Variants in ARID1A observed in about 807,000 individuals in gnomAD.
ARID1A encodes AT-rich interaction domain 1A, also known as AT-rich interactive domain-containing protein 1A.
Under a neutral mutation model 212.6 loss-of-function variants are expected in ARID1A, and 20 were observed. That is an observed-to-expected ratio of 0.09 (90% CI 0.07 to 0.14). ARID1A has a LOEUF of 0.14. ARID1A is among the 10% of genes least tolerant of loss of function. ARID1A has a pLI of 1.00. For synonymous variants in ARID1A, 1,376 were observed against 1,222.1 expected, an observed-to-expected ratio of 1.13 and a Z score of -2.63; for missense variants, 2,587 against 3,059.0, an observed-to-expected ratio of 0.85 and a Z score of 3.64.
intron 4 of ARID1A, among the ~76,000 whole-genome samples, chr1:26,742,708 C>CGA: frequency 6.6e-6 from 1 of 152,284 alleles, no homozygotes; most frequent in South Asian, 2.1e-4. Context: ...CGGTGGCTCA[C>CGA]ACCTGTAATC....
At chr1:26,723,407 C>T (rs749016048) in intron 1 of ARID1A, among the ~76,000 whole-genome samples, 4 of 152,146 alleles carry the variant, frequency 2.6e-5, no homozygotes, top group East Asian at 1.9e-4. Flanking sequence ...AAGCGGAGGA[C>T]GGGGTGCCTT....
chr1:26,696,394 A>G lies in ARID1A; in HGVS notation c.-10A>G, dbSNP rs2124739628. On this transcript the variant is annotated 5_prime_UTR_variant, in exon 1 of 20. Coordinates refer to ENST00000324856, the MANE Select transcript of ARID1A (RefSeq NM_006015.6). ...GGCCGGGTCTCTCCGCGGACGAGACAGCGGGGATCATGGCCGCGCAGGTCG... is the reference window on the plus strand; with the variant it reads ...GGCCGGGTCTCTCCGCGGACGAGACGGCGGGGATCATGGCCGCGCAGGTCG... 3 of 1,266,772 alleles carry G rather than the reference A, an allele frequency of 2.4e-6. No homozygotes were observed. Among genetic ancestry groups the G allele is most frequent in the African/African-American group, 1.6e-5 (1 of 62,504 alleles). The allele number at this position is 1,266,772 out of a possible 1,614,324, so 78.5% of individuals were successfully genotyped here.
chr1:26,758,921 T>C (rs1282617057), intron 4 of ARID1A, among the ~76,000 whole-genome samples: 1 of 152,192 alleles, frequency 6.6e-6, no homozygotes, highest in Non-Finnish European at 1.5e-5. Context: ...CCTACCTGCC[T>C]TCAGAGCAAA....
At position 26,775,659 on chromosome 1, in the gene ARID1A, C is replaced by A; in HGVS notation, c.5076C>A (p.Asn1692Lys). Residue 1692 changes from asparagine to lysine, a missense_variant, in exon 19 of 20, where the codon AAC becomes AAA. By Grantham distance (94) the Asn-to-Lys change is moderately conservative (BLOSUM62 0). Transcript: ENST00000324856. Reference protein sequence around the residue: ...AESTWALDTINILLYDDNSIM... With the variant: ...AESTWALDTIKILLYDDNSIM... Reference sequence around the variant, plus strand: ...GCACATGGGCATTAGATACCATCAACATCCTGCTGTATGATGACAACAGCA... The same window carrying A: ...GCACATGGGCATTAGATACCATCAAAATCCTGCTGTATGATGACAACAGCA... 1 of 1,614,224 alleles carries A rather than the reference C, an allele frequency of 6.2e-7. No individual in the cohort carries two copies. Among genetic ancestry groups the A allele is most frequent in the Non-Finnish European group, 8.5e-7 (1 of 1,180,040 alleles).
In ARID1A at chr1:26,761,048, A is replaced by G. The variant is rs1189797847; in HGVS notation, c.2113A>G (p.Ser705Gly). ...PSPSPVGSPA[S>G]VAQSRSGPLS... is the part of the protein sequence containing the mutation. ...CCCGTCCCCTGTTGGCTCTCCCGCC[A>G]GTGTTGCTCAGTCTCGCTCAGGACC... The change falls in exon 5 of 20, where the codon AGT (serine) becomes GGT (glycine). Residue 705 changes from serine to glycine, a missense_variant. Around this residue, in one of 11 missense-constraint regions of ARID1A, gnomAD observed 674 missense variants for 813.4 expected, o/e 0.83. Transcript: ENST00000324856. The G allele has an allele frequency of 1.2e-6, 2 of 1,613,974 alleles. No individual in the cohort carries two copies. The highest frequency in any genetic ancestry group is 2.2e-5 in the East Asian group (1 of 44,860).
intron 1 of ARID1A, among the ~76,000 whole-genome samples, chr1:26,703,703 T>C (rs1197400687): frequency 1.3e-5 from 2 of 152,218 alleles, no homozygotes; most frequent in African/African-American, 2.4e-5. Context: ...TTCAGACTTA[T>C]TGCTGAGAGC....
intron 1 of ARID1A, among the ~76,000 whole-genome samples, chr1:26,709,417 C>CT (rs1478292822): frequency 6.6e-6 from 1 of 152,082 alleles, no homozygotes; most frequent in Non-Finnish European, 1.5e-5. Context: ...TACCACCCTG[C>CT]TCCAGCCAGG....
In ARID1A at chr1:26,696,514, C is replaced by CGAG; in HGVS notation, c.113_115dup (p.Glu38dup). 1 of 1,227,098 alleles carries CGAG rather than the reference C, an allele frequency of 8.1e-7. No individual in the cohort carries two copies. The highest frequency in any genetic ancestry group is 1.0e-6 in the Non-Finnish European group (1 of 987,004). 76.0% of individuals were successfully genotyped at this position (1,227,098 alleles called of 1,614,324 possible). A position where few individuals can be genotyped will look rare whatever the true frequency, so the allele number is the denominator to read the frequency against. On this transcript the variant is annotated inframe_insertion, in exon 1 of 20. Transcript: ENST00000324856. ...AGCAGCAGCGGGAGGAGGCGGGGGG[C>CGAG]GAGGCGGCGGCGGCGGCAGCGGCCG... is the stretch of plus-strand genomic sequence containing the variant.
intron 4 of ARID1A, among the ~76,000 whole-genome samples, chr1:26,748,407 ATCT>A (rs1208216892): frequency 1.3e-5 from 2 of 151,976 alleles, no homozygotes; most frequent in Non-Finnish European, 2.9e-5. Context: ...ATAGCTGATG[ATCT>A]TCATAATAGA....
Position 26,697,466 on chromosome 1 carries a change from C to A in ARID1A, c.1063C>A (p.Gln355Lys), listed in dbSNP as rs2124745067. 1 of 1,390,494 alleles carries A rather than the reference C, an allele frequency of 7.2e-7. No homozygotes were observed. Among genetic ancestry groups the A allele is most frequent in the Non-Finnish European group, 9.2e-7 (1 of 1,081,180 alleles). The allele number at this position is 1,390,494 out of a possible 1,614,324, so 86.1% of individuals were successfully genotyped here. A position where few individuals can be genotyped will look rare whatever the true frequency, so the allele number is the denominator to read the frequency against. The change falls in exon 1 of 20, where the codon CAA becomes AAA. Residue 355 changes from glutamine to lysine, a missense_variant. Gln to Lys is a moderately conservative substitution (Grantham distance 53). Transcript: ENST00000324856. ...GGCGGCCGCCTCGGGAGGGGCCCAA[C>A]AAAGGAGCCACCACGCGCCCATGAG... ...AAAAASGGAQ[Q>K]RSHHAPMSPG...
intron 1 of ARID1A, among the ~76,000 whole-genome samples, chr1:26,714,727 A>T (rs35407375): frequency 0.059 from 9,025 of 152,154 alleles, 321 homozygotes; most frequent in Non-Finnish European, 0.08. Flanking sequence ...TAATCTTAAT[A>T]AGGTTGACTA....
chr1:26,696,174 GCGCCTCGGCCGCCGCCGC>G lies in ARID1A; in HGVS notation c.-223_-206del, dbSNP rs1428648433. 3.5e-6 allele frequency: 2 copies of G among 566,108 alleles called. No individual in the cohort carries two copies. The highest frequency in any genetic ancestry group is 5.1e-5 in the Admixed American group (1 of 19,564). The allele number at this position is 566,108 out of a possible 1,614,324, so 35.1% of individuals were successfully genotyped here. The stretch of plus-strand genomic sequence containing the variant: ...AGAGCCGGGAGCAGCTGAGCCGCCG[GCGCCTCGGCCGCCGCCGC>G]CGCCTCCTCCTCCTCCGCCGCCGCC... On this transcript the variant is annotated 5_prime_UTR_variant, in exon 1 of 20. Coordinates refer to ENST00000324856, the MANE Select transcript of ARID1A (RefSeq NM_006015.6).
intron 7 of ARID1A, 64 bp downstream of exon 7, chr1:26,762,383 A>C: frequency 6.5e-7 from 1 of 1,536,154 alleles, no homozygotes; most frequent in South Asian, 1.2e-5. Context: ...CTTGTCTGAT[A>C]TGTTGCCATC....
intron 1 of ARID1A, among the ~76,000 whole-genome samples, chr1:26,700,676 T>G (rs1408207182): frequency 1.3e-5 from 2 of 152,234 alleles, no homozygotes; most frequent in African/African-American, 2.4e-5. Context: ...TGGTTGTTAG[T>G]TTCTACTACG....
intron 1 of ARID1A, among the ~76,000 whole-genome samples, chr1:26,723,127 T>TGG (rs1169926576): frequency 6.6e-6 from 1 of 152,134 alleles, no homozygotes; most frequent in African/African-American, 2.4e-5. Context: ...GTTGTCTGGC[T>TGG]GGGGAGAGAA....
At chr1:26,701,063 T>G (rs2080327436) in intron 1 of ARID1A, among the ~76,000 whole-genome samples, 1 of 152,202 alleles carries the variant, frequency 6.6e-6, no homozygotes, top group East Asian at 1.9e-4. Flanking sequence ...TGGATTGCAT[T>G]AAACATTAAT....
chr1:26,738,196 G>A (rs757239366), intron 4 of ARID1A, among the ~76,000 whole-genome samples: 1 of 151,884 alleles, frequency 6.6e-6, no homozygotes, highest in Non-Finnish European at 1.5e-5. Flanking sequence ...GCTAATTTTT[G>A]TATTTTTAAT....
intron 1 of ARID1A, among the ~76,000 whole-genome samples, chr1:26,726,755 C>G (rs1156873109): frequency 6.6e-6 from 1 of 152,196 alleles, no homozygotes; most frequent in Non-Finnish European, 1.5e-5. Context: ...AGATAAAACA[C>G]CTGATCTCTG....
At chr1:26,707,871 G>C (rs1244160122) in intron 1 of ARID1A, among the ~76,000 whole-genome samples, 1 of 152,142 alleles carries the variant, frequency 6.6e-6, no homozygotes, top group Non-Finnish European at 1.5e-5. Flanking sequence ...GTCTGACAAG[G>C]TAGACAAGGT....
Sources: gnomAD v4.1 joint callset for allele counts (sites outside exome capture counted in the v4.1 genomes callset) on GRCh38, gnomAD v4.1.1 for gene constraint, gnomAD v4.1.1 regional missense constraint, MANE v1.5 for transcripts, NCBI Gene and HGNC (gene_info 2026-07-23, HGNC 2026-07-21) for gene names.